KCNJ6: variants seen among roughly 807,000 people sequenced by gnomAD.
The protein encoded by KCNJ6 is G protein-activated inward rectifier potassium channel 2.
In KCNJ6, 9 loss-of-function variants were observed where a neutral mutation model predicts 34.2. The ratio of observed to expected loss-of-function variants is 0.26; its 90% CI spans 0.16 to 0.46. The LOEUF (loss-of-function observed/expected upper bound fraction) is 0.46. Ranked by LOEUF, KCNJ6 falls within the 20% of genes least tolerant of loss-of-function variation. The pLI is 1.00. For synonymous variants in KCNJ6, 196 were observed against 207.1 expected, an observed-to-expected ratio of 0.95 and a Z score of 0.46; for missense variants, 236 against 531.3, an observed-to-expected ratio of 0.44 and a Z score of 5.46.
chr21:37,730,926 G>C (rs931448353), intron 2 of KCNJ6, among the ~76,000 whole-genome samples: 1 of 152,182 alleles, frequency 6.6e-6, no homozygotes, highest in Admixed American at 6.5e-5. Flanking sequence ...CAGCCCACAG[G>C]GGGAGTATTG....
chr21:37,883,119 C>A (rs2123625800), intron 1 of KCNJ6, among the ~76,000 whole-genome samples: 1 of 152,360 alleles, frequency 6.6e-6, no homozygotes, highest in South Asian at 2.1e-4. Context: ...TAGCTCCCAG[C>A]TCTGTCTCCA....
intron 3 of KCNJ6, among the ~76,000 whole-genome samples, chr21:37,710,922 AG>A (rs930215556): frequency 4.6e-5 from 7 of 152,306 alleles, no homozygotes; most frequent in African/African-American, 1.7e-4. Context: ...AGAATTTTCC[AG>A]GGTTTGATTC....
rs1295811367 is a variant in KCNJ6 at position 37,624,305 on chromosome 21, C to G, written c.*854G>C. The G allele has an allele frequency of 1.3e-5, 2 of 152,096 alleles. No individual in the cohort carries two copies. Among genetic ancestry groups the G allele is most frequent in the Non-Finnish European group, 2.9e-5 (2 of 68,048 alleles). 9.4% of individuals were successfully genotyped at this position (152,096 alleles called of 1,614,324 possible). ...CCCCAGACCTATGGCTTGTTGGATT[C>G]AATGAAAGGATCCGTGTGGGAACAG... On this transcript the variant is annotated 3_prime_UTR_variant, in exon 4 of 4. Transcript: ENST00000609713.
Position 37,609,431 on chromosome 21 carries a change from G to A in KCNJ6, c.*15728C>T, listed in dbSNP as rs1413841571. 1 of 152,252 alleles carries A rather than the reference G, an allele frequency of 6.6e-6. No homozygotes were observed. The highest frequency in any genetic ancestry group is 6.5e-5 in the Admixed American group (1 of 15,290). 9.4% of individuals were successfully genotyped at this position (152,252 alleles called of 1,614,324 possible). A position where few individuals can be genotyped will look rare whatever the true frequency, so the allele number is the denominator to read the frequency against. On this transcript the variant is annotated 3_prime_UTR_variant, in exon 4 of 4. Coordinates refer to ENST00000609713, the MANE Select transcript of KCNJ6 (RefSeq NM_002240.5). ...CTATTGAAACCTTGGCACTGCTAGA[G>A]ACTTTTGAACTAATAGCTTTCTGGA...
chr21:37,895,953 T>C (rs1016843033), intron 1 of KCNJ6, among the ~76,000 whole-genome samples: 5 of 152,210 alleles, frequency 3.3e-5, no homozygotes, highest in Non-Finnish European at 7.3e-5. Flanking sequence ...TGGACTGCTA[T>C]AAAGAAATGC....
intron 2 of KCNJ6, among the ~76,000 whole-genome samples, chr21:37,804,742 G>A (rs1051058973): frequency 5.9e-5 from 9 of 152,158 alleles, no homozygotes; most frequent in African/African-American, 1.9e-4. Flanking sequence ...TTCCTGCAAA[G>A]GATATGGTCT....
intron 3 of KCNJ6, among the ~76,000 whole-genome samples, chr21:37,701,318 T>C (rs931917768): frequency 1.3e-5 from 2 of 152,208 alleles, no homozygotes; most frequent in Middle Eastern, 3.4e-3. Context: ...GAGGAGGCGG[T>C]TGGAACTGGT....
intron 3 of KCNJ6, among the ~76,000 whole-genome samples, chr21:37,666,733 A>G (rs2054515314): frequency 6.6e-6 from 1 of 152,020 alleles, no homozygotes; most frequent in Admixed American, 6.5e-5. Flanking sequence ...GGGGAAAAGA[A>G]AGAGAGATCA....
At chr21:37,664,519 TA>T (rs1394982172) in intron 3 of KCNJ6, among the ~76,000 whole-genome samples, 1 of 152,050 alleles carries the variant, frequency 6.6e-6, no homozygotes, top group Non-Finnish European at 1.5e-5. Flanking sequence ...AAAGATGCAG[TA>T]AAAATATTTT....
chr21:37,819,647 TG>T (rs2055364394), intron 2 of KCNJ6, among the ~76,000 whole-genome samples: 1 of 152,216 alleles, frequency 6.6e-6, no homozygotes, highest in Non-Finnish European at 1.5e-5. Context: ...TTACCTACAT[TG>T]TTTTGTAAAA....
chr21:37,632,374 G>A (rs2054337925), intron 3 of KCNJ6, among the ~76,000 whole-genome samples: 1 of 151,850 alleles, frequency 6.6e-6, no homozygotes, highest in African/African-American at 2.4e-5. Context: ...AGGGCATATA[G>A]AAAGTAAGAA....
At position 37,868,304 on chromosome 21, in the gene KCNJ6, GA is replaced by G. The variant is rs1489732175; in HGVS notation, c.-27-27596del. ...GTTGTATGAGATCTGCGATTACAGA[GA>G]TTTGTACTGTCTGGAATATAATTTT... On this transcript the variant is annotated intron_variant, in intron 1 of 3. Coordinates refer to ENST00000609713, the MANE Select transcript of KCNJ6 (RefSeq NM_002240.5). Among the ~76,000 whole-genome samples the G allele has an allele frequency of 1.3e-5, 2 of 152,214 alleles. 1 individual carries two copies. The highest frequency in any genetic ancestry group is 2.9e-5 in the Non-Finnish European group (2 of 68,036).
At chr21:37,722,328 A>G (rs1443888908) in intron 2 of KCNJ6, among the ~76,000 whole-genome samples, 1 of 152,368 alleles carries the variant, frequency 6.6e-6, no homozygotes, top group Non-Finnish European at 1.5e-5. Flanking sequence ...ATGCTCATGG[A>G]CTGGAAGAAT....
chr21:37,781,651 T>G (rs2055170027), intron 2 of KCNJ6, among the ~76,000 whole-genome samples: 1 of 152,194 alleles, frequency 6.6e-6, no homozygotes, highest in Non-Finnish European at 1.5e-5. Flanking sequence ...ATCATTATAA[T>G]GGAGGTAGTG....
At chr21:37,761,045 T>G (rs1363078198) in intron 2 of KCNJ6, among the ~76,000 whole-genome samples, 1 of 152,114 alleles carries the variant, frequency 6.6e-6, no homozygotes, top group Non-Finnish European at 1.5e-5. Context: ...CTAGGGAAAC[T>G]GGGCAGGGAA....
At chr21:37,690,074 A>G (rs1016219621) in intron 3 of KCNJ6, among the ~76,000 whole-genome samples, 3 of 152,064 alleles carry the variant, frequency 2.0e-5, no homozygotes, top group African/African-American at 7.3e-5. Flanking sequence ...TCTCAGTATA[A>G]GATTATGCAA....
intron 2 of KCNJ6, among the ~76,000 whole-genome samples, chr21:37,789,732 G>C (rs2055208257): frequency 6.6e-6 from 1 of 152,180 alleles, no homozygotes; most frequent in African/African-American, 2.4e-5. Context: ...TGCATGGAAA[G>C]CATACTCCTC....
intron 3 of KCNJ6, among the ~76,000 whole-genome samples, chr21:37,657,099 C>T (rs2054467685): frequency 6.6e-6 from 1 of 152,126 alleles, no homozygotes; most frequent in Admixed American, 6.6e-5. Flanking sequence ...GGTGAGGAGT[C>T]TGAGAAGCCA....
intron 1 of KCNJ6, among the ~76,000 whole-genome samples, chr21:37,857,739 G>C (rs2055572381): frequency 1.3e-5 from 2 of 152,182 alleles, no homozygotes. Flanking sequence ...GGAGCCAGCA[G>C]TGGATCTATC....
Sources: gnomAD v4.1 joint callset for allele counts (sites outside exome capture counted in the v4.1 genomes callset) on GRCh38, gnomAD v4.1.1 for gene constraint, MANE v1.5 for transcripts, NCBI Gene and HGNC (gene_info 2026-07-23, HGNC 2026-07-21) for gene names.